Variants in ODR4 observed in about 807,000 individuals in gnomAD.
ODR4 encodes protein odr-4 homolog.
In ODR4, 47 loss-of-function variants were observed where a neutral mutation model predicts 60.2. The observed-to-expected ratio is 0.78, with a 90% CI of 0.62 to 1.00. ODR4 has a LOEUF of 1.00. Ranked by LOEUF, ODR4 falls within the 50% of genes least tolerant of loss-of-function variation. The pLI, the probability that ODR4 is intolerant of heterozygous loss-of-function variation, is 0.00. For missense variants in ODR4, 488 were observed against 530.8 expected (o/e 0.92, Z 0.79); for synonymous variants, 178 against 175.5 (o/e 1.01, Z -0.11).
chr1:186,416,667 G>A (rs953833873), intron 12 of ODR4, among the ~76,000 whole-genome samples: 2 of 151,750 alleles, frequency 1.3e-5, no homozygotes, highest in Non-Finnish European at 1.5e-5. Flanking sequence ...GCAAGACTCT[G>A]TCTCAAATAA....
intron 11 of ODR4, among the ~76,000 whole-genome samples, chr1:186,402,229 T>TCTTTCTTTCTTTCTTTCTTTC (rs1558085205): frequency 6.6e-6 from 1 of 150,476 alleles, no homozygotes; most frequent in Admixed American, 6.6e-5. Flanking sequence ...TTTCTTTCTT[T>TCTTTCTTTCTTTCTTTCTTTC]CTTTCCTTTC....
Position 186,390,768 on chromosome 1 carries a change from T to G in ODR4, c.532T>G (p.Ser178Ala), listed in dbSNP as rs770217455. 2 of 1,613,196 alleles carry G rather than the reference T, an allele frequency of 1.2e-6. No individual in the cohort carries two copies. Among genetic ancestry groups the G allele is most frequent in the Non-Finnish European group, 8.5e-7 (1 of 1,179,302 alleles). ...YQSGLSSSWL[S>A]LECTVHINIH... ...AAGTGGATTATCATCCTCATGGCTT[T>G]CTTTAGAGTGTACAGTTCACATTAA... The change falls in exon 7 of 14, where the codon TCT (serine) becomes GCT (alanine). Residue 178 changes from serine to alanine, a missense_variant. Transcript: ENST00000287859.
intron 3 of ODR4, 25 bp downstream of exon 3, chr1:186,383,181 G>GT: frequency 6.5e-7 from 1 of 1,537,276 alleles, no homozygotes; most frequent in Non-Finnish European, 8.8e-7. Flanking sequence ...TTGTTTATAT[G>GT]TTTAAGTTTT....
Position 186,420,518 on chromosome 1 carries a change from A to G in ODR4, c.*1442A>G, listed in dbSNP as rs1035563412. 1.3e-5 allele frequency: 2 copies of G among 152,242 alleles called. No individual in the cohort carries two copies. Among genetic ancestry groups the G allele is most frequent in the Non-Finnish European group, 2.9e-5 (2 of 68,038 alleles). The allele number at this position is 152,242 out of a possible 1,614,324, so 9.4% of individuals were successfully genotyped here. On this transcript the variant is annotated 3_prime_UTR_variant, in exon 14 of 14. Coordinates refer to ENST00000287859, the MANE Select transcript of ODR4 (RefSeq NM_017847.6). ...AATAAACATTGAACTCAGTTCTTCA[A>G]GGTTTCATCACCAACATAAGGAATG... is the stretch of plus-strand genomic sequence containing the variant.
At chr1:186,404,945 C>G (rs761716117) in intron 11 of ODR4, among the ~76,000 whole-genome samples, 81 of 152,116 alleles carry the variant, frequency 5.3e-4, no homozygotes, top group Admixed American at 8.5e-4. Context: ...TCATAAGGAT[C>G]GTAGCATTTA....
At chr1:186,383,875 T>C (rs975336103) in intron 3 of ODR4, among the ~76,000 whole-genome samples, 3 of 151,816 alleles carry the variant, frequency 2.0e-5, no homozygotes, top group African/African-American at 7.3e-5. Flanking sequence ...CCGTCTCTAG[T>C]AAAAATATGA....
intron 11 of ODR4, chr1:186,401,046 A>G: frequency 1.9e-6 from 3 of 1,592,810 alleles, no homozygotes; most frequent in Non-Finnish European, 2.6e-6. Flanking sequence ...TTTGCAGGGT[A>G]TGGGGATGTA....
chr1:186,410,058 G>A (rs1661314556), intron 12 of ODR4, among the ~76,000 whole-genome samples: 1 of 152,136 alleles, frequency 6.6e-6, no homozygotes, highest in South Asian at 2.1e-4. Flanking sequence ...TTGAGAGTAA[G>A]TAGAGTATTT....
At chr1:186,416,634 T>G (rs1043616398) in intron 12 of ODR4, among the ~76,000 whole-genome samples, 3 of 151,664 alleles carry the variant, frequency 2.0e-5, no homozygotes, top group Non-Finnish European at 4.4e-5. Flanking sequence ...ACCACGCCAT[T>G]GCACTCCAGC....
At position 186,401,336 on chromosome 1, in the gene ODR4, G is replaced by A; in HGVS notation, c.1000+2292G>A. 6.9e-6 allele frequency: 4 copies of A among 580,104 alleles called. No homozygotes were observed. The South Asian group carries it at 8.0e-5, about 12-fold the overall frequency. 35.9% of individuals were successfully genotyped at this position (580,104 alleles called of 1,614,324 possible). On this transcript the variant is annotated intron_variant, in intron 11 of 13. Transcript: ENST00000287859. ...TTTTACTGGCAATTGGGTGGCCTTG[G>A]GACCTGTGTGAAGAGCATAGACTGT... is the stretch of plus-strand genomic sequence containing the variant.
At position 186,379,828 on chromosome 1, in the gene ODR4, C is replaced by T. The variant is rs1659957565; in HGVS notation, c.43C>T (p.Leu15Phe). 6.2e-7 allele frequency: 1 copy of T among 1,609,290 alleles called. No homozygotes were observed. The highest frequency in any genetic ancestry group is 1.1e-5 in the South Asian group (1 of 90,134). ...YIVEETVGQY[L>F]SNINLQGKAF... ...TGTAGAAGAGACTGTTGGCCAGTAT[C>T]TTTCAAACATAAATCTCCAAGGAAA... The change falls in exon 2 of 14, where the codon CTT becomes TTT. Residue 15 changes from leucine (L) to phenylalanine (F), a missense_variant. By Grantham distance (22) the Leu-to-Phe change is conservative (BLOSUM62 0). Transcript: ENST00000287859.
chr1:186,422,155 T>G (rs1661801348), downstream of ODR4, among the ~76,000 whole-genome samples: 1 of 152,098 alleles, frequency 6.6e-6, no homozygotes, highest in Non-Finnish European at 1.5e-5. Flanking sequence ...AAAAAAATTT[T>G]TTTTAAATGA....
intron 9 of ODR4, 85 bp from the exon 10 acceptor site, chr1:186,398,228 C>T (rs1558078486): frequency 8.0e-7 from 1 of 1,251,178 alleles, no homozygotes; most frequent in Non-Finnish European, 1.0e-6. Flanking sequence ...GTTCTCTCTT[C>T]ATAAAATCGC....
chr1:186,389,933 G>A (rs893483417), intron 6 of ODR4, among the ~76,000 whole-genome samples: 4 of 152,062 alleles, frequency 2.6e-5, no homozygotes, highest in African/African-American at 9.7e-5. Flanking sequence ...GACTATAGAT[G>A]TGCACCACTG....
the ODR4 span, among the ~76,000 whole-genome samples, chr1:186,431,590 A>T: frequency 6.6e-6 from 1 of 152,218 alleles, no homozygotes; most frequent in East Asian, 1.9e-4. Flanking sequence ...AGTGATACAT[A>T]CAAATAGCAT....
chr1:186,399,826 T>G (rs897500603), intron 11 of ODR4, among the ~76,000 whole-genome samples: 2 of 151,960 alleles, frequency 1.3e-5, no homozygotes, highest in African/African-American at 4.8e-5. Context: ...AAAGGCTGAG[T>G]TACAGTATCT....
downstream of ODR4, among the ~76,000 whole-genome samples, chr1:186,423,253 G>C (rs139179103): frequency 6.6e-6 from 1 of 152,142 alleles, no homozygotes; most frequent in African/African-American, 2.4e-5. Flanking sequence ...GTGTGAGGTT[G>C]ATATAACTTA....
rs1390698613 is a variant in ODR4, at chr1:186,421,014, A to G, written c.*1938A>G. On this transcript the variant is annotated 3_prime_UTR_variant, in exon 14 of 14. Coordinates refer to ENST00000287859, the MANE Select transcript of ODR4 (RefSeq NM_017847.6). ...ACCATGGGGAGAAAAAGATCAGTGA[A>G]AGCAAGACAGTCAAATACTTAGTAG... The G allele has an allele frequency of 6.6e-6, 1 of 152,206 alleles. No individual in the cohort carries two copies. Among genetic ancestry groups the G allele is most frequent in the Non-Finnish European group, 1.5e-5 (1 of 68,040 alleles). 9.4% of individuals were successfully genotyped at this position (152,206 alleles called of 1,614,324 possible). A position where few individuals can be genotyped will look rare whatever the true frequency, so the allele number is the denominator to read the frequency against.
chr1:186,398,691 C>T (rs918165442), intron 10 of ODR4, among the ~76,000 whole-genome samples: 2 of 152,022 alleles, frequency 1.3e-5, no homozygotes, highest in African/African-American at 4.8e-5. Flanking sequence ...ATATTAGTAT[C>T]TAATTTGGAA....
Sources: allele counts gnomAD v4.1 joint callset (sites outside exome capture counted in the v4.1 genomes callset), GRCh38; gene constraint gnomAD v4.1.1; transcripts MANE v1.5; gene names NCBI Gene and HGNC (gene_info 2026-07-23, HGNC 2026-07-21).